The following ATP9B variants were observed in gnomAD, a reference collection of about 807,000 sequenced individuals.
ATP9B encodes the protein ATPase phospholipid transporting 9B, also known as probable phospholipid-transporting ATPase IIB.
A neutral mutation model predicts 146.1 loss-of-function variants in ATP9B; 110 were observed. That is an observed-to-expected ratio of 0.75 (90% CI 0.65 to 0.88). The LOEUF is 0.88. ATP9B is among the 40% of genes least tolerant of loss of function. The pLI, the probability that ATP9B is intolerant of heterozygous loss-of-function variation, is 0.00. For synonymous variants in ATP9B, 604 were observed against 569.7 expected (o/e 1.06, Z -0.86); for missense variants, 1,499 against 1,496.4 (o/e 1.00, Z -0.03).
chr18:79,193,691 A>T (rs1204597861), intron 9 of ATP9B, among the ~76,000 whole-genome samples: 1 of 152,138 alleles, frequency 6.6e-6, no homozygotes, highest in Non-Finnish European at 1.5e-5. Context: ...CACACACTTT[A>T]TATTATTACA....
intron 7 of ATP9B, among the ~76,000 whole-genome samples, chr18:79,169,970 TC>T (rs1349953271): frequency 6.6e-6 from 1 of 152,192 alleles, no homozygotes; most frequent in African/African-American, 2.4e-5. Context: ...ACCTTACGAC[TC>T]CCCAATACTT....
At chr18:79,280,808 A>C (rs1332568176) in intron 13 of ATP9B, among the ~76,000 whole-genome samples, 1 of 152,208 alleles carries the variant, frequency 6.6e-6, no homozygotes, top group Non-Finnish European at 1.5e-5. Context: ...GATGAGTTAG[A>C]AGTTAATAAC....
intron 1 of ATP9B, among the ~76,000 whole-genome samples, chr18:79,084,956 A>G (rs942082843): frequency 3.1e-4 from 47 of 151,996 alleles, no homozygotes; most frequent in African/African-American, 1.1e-3. Flanking sequence ...ATGTTAGTCC[A>G]TTCTTGCATT....
intron 1 of ATP9B, among the ~76,000 whole-genome samples, chr18:79,073,901 CAT>C (rs1345200649): frequency 6.6e-6 from 1 of 152,148 alleles, no homozygotes; most frequent in Non-Finnish European, 1.5e-5. Flanking sequence ...GTGTCGGTGT[CAT>C]GTGATTGCCT....
chr18:79,198,579 C>CT (rs1283994098), intron 9 of ATP9B, among the ~76,000 whole-genome samples: 4 of 130,772 alleles, frequency 3.1e-5, no homozygotes, highest in Non-Finnish European at 6.3e-5. Context: ...GTGTAGCCTA[C>CT]TACACACCTA....
At chr18:79,200,791 A>AGGTGGGG (rs1555749773) in intron 9 of ATP9B, among the ~76,000 whole-genome samples, 4 of 1,488 alleles carry the variant, frequency 2.7e-3, no homozygotes, top group East Asian at 0.017. Context: ...GTAGTGGTGG[A>AGGTGGGG]ATTGTTTTCA....
At chr18:79,309,558 G>A (rs567190461) in intron 15 of ATP9B, among the ~76,000 whole-genome samples, 53 of 123,634 alleles carry the variant, frequency 4.3e-4, no homozygotes, top group African/African-American at 1.4e-3. Context: ...ATCCCCAGCA[G>A]GTAGAAGGTC....
At chr18:79,075,053 C>T (rs987987617) in intron 1 of ATP9B, among the ~76,000 whole-genome samples, 1 of 151,656 alleles carries the variant, frequency 6.6e-6, no homozygotes, top group Non-Finnish European at 1.5e-5. Flanking sequence ...GTTCATCTTC[C>T]CTTGTGACTT....
At chr18:79,243,668 G>A (rs1416269174) in intron 11 of ATP9B, among the ~76,000 whole-genome samples, 1 of 152,202 alleles carries the variant, frequency 6.6e-6, no homozygotes, top group East Asian at 1.9e-4. Flanking sequence ...GAAGTCAGCT[G>A]GACCACAGTT....
intron 2 of ATP9B, among the ~76,000 whole-genome samples, chr18:79,106,919 TTGTC>T (rs1214392807): frequency 2.0e-5 from 3 of 152,194 alleles, no homozygotes; most frequent in Admixed American, 6.5e-5. Flanking sequence ...ATAGTGTCGT[TTGTC>T]TGGAAGAACA....
chr18:79,130,429 A>AC (rs1599769772), intron 5 of ATP9B, among the ~76,000 whole-genome samples: 1 of 151,690 alleles, frequency 6.6e-6, no homozygotes, highest in East Asian at 1.9e-4. Context: ...ATGGGAAAAA[A>AC]AAAACAAAAC....
chr18:79,113,701 G>T (rs984904946), intron 4 of ATP9B, among the ~76,000 whole-genome samples: 3 of 152,178 alleles, frequency 2.0e-5, no homozygotes. Context: ...CTGTGGGTCT[G>T]TTCTGTTACT....
intron 26 of ATP9B, among the ~76,000 whole-genome samples, chr18:79,368,103 C>A (rs777606531): frequency 2.0e-5 from 3 of 151,874 alleles, no homozygotes; most frequent in African/African-American, 4.8e-5. Context: ...TGGACGGCGC[C>A]GTGGCCCCGG....
At chr18:79,349,053 A>G (rs1457976988) in intron 25 of ATP9B, among the ~76,000 whole-genome samples, 1 of 152,248 alleles carries the variant, frequency 6.6e-6, no homozygotes. Flanking sequence ...TGCGACGTGC[A>G]TTGAAAGCTG....
At chr18:79,271,001 G>C (rs996238895) in intron 12 of ATP9B, among the ~76,000 whole-genome samples, 1 of 152,184 alleles carries the variant, frequency 6.6e-6, no homozygotes, top group Non-Finnish European at 1.5e-5. Flanking sequence ...CTGCACTGAA[G>C]ACCAGCCCCT....
intron 12 of ATP9B, among the ~76,000 whole-genome samples, chr18:79,275,830 A>G (rs991677810): frequency 6.6e-6 from 1 of 152,236 alleles, no homozygotes; most frequent in Non-Finnish European, 1.5e-5. Flanking sequence ...CTGGTTTAAA[A>G]AGCTGTGTAA....
intron 13 of ATP9B, among the ~76,000 whole-genome samples, chr18:79,278,453 C>A (rs2096338730): frequency 6.6e-6 from 1 of 152,156 alleles, no homozygotes; most frequent in Admixed American, 6.5e-5. Context: ...TGTCAGGTAA[C>A]GTAAGGGTTC....
At chr18:79,221,441 G>A (rs546337799) in intron 11 of ATP9B, among the ~76,000 whole-genome samples, 114 of 152,370 alleles carry the variant, frequency 7.5e-4, no homozygotes, top group African/African-American at 2.5e-3. Flanking sequence ...AAACTATCAG[G>A]CTGGGCACAG....
At chr18:79,370,768 G>T (rs1457339613) in intron 26 of ATP9B, among the ~76,000 whole-genome samples, 1 of 152,164 alleles carries the variant, frequency 6.6e-6, no homozygotes, top group Non-Finnish European at 1.5e-5. Context: ...AGCTCCTAAA[G>T]AGAGGCAGCA....
Sources: gnomAD v4.1 joint callset for allele counts (sites outside exome capture counted in the v4.1 genomes callset) on GRCh38, gnomAD v4.1.1 for gene constraint, MANE v1.5 for transcripts, NCBI Gene and HGNC (gene_info 2026-07-23, HGNC 2026-07-21) for gene names.